STAT5B: variants seen among roughly 807,000 people sequenced by gnomAD.
STAT5B encodes transcription factor STAT5B.
A neutral mutation model predicts 107.8 loss-of-function variants in STAT5B; 21 were observed. The ratio of observed to expected loss-of-function variants is 0.19; its 90% CI spans 0.14 to 0.28. The LOEUF is 0.28. STAT5B is among the 10% of genes least tolerant of loss of function. The probability of loss-of-function intolerance (pLI) is 1.00; values close to 1 mark genes in which losing one functional copy is unlikely to be tolerated. For missense variants in STAT5B, 565 were observed against 1,008.2 expected (o/e 0.56, Z 5.95); for synonymous variants, 325 against 401.7 (o/e 0.81, Z 2.28).
At chr17:42,227,253 C>T (rs2080281331) in intron 3 of STAT5B, among the ~76,000 whole-genome samples, 1 of 150,892 alleles carries the variant, frequency 6.6e-6, no homozygotes, top group Admixed American at 6.6e-5. Context: ...ACGTGTGTGT[C>T]GAGAGACAGC....
At chr17:42,279,778 G>A (rs2080788268), upstream of STAT5B, among the ~76,000 whole-genome samples, 1 of 150,842 alleles carries the variant, frequency 6.6e-6, no homozygotes, top group South Asian at 2.1e-4. Context: ...TCCAGCCTGG[G>A]CAGCAAGAGC....
chr17:42,203,632 T>C (rs2080063330), intron 16 of STAT5B, among the ~76,000 whole-genome samples: 3 of 151,876 alleles, frequency 2.0e-5, no homozygotes, highest in Non-Finnish European at 4.4e-5. Context: ...GGAGGTTTTC[T>C]TTTTTTTCTT....
upstream of STAT5B, among the ~76,000 whole-genome samples, chr17:42,279,558 C>T (rs1028726307): frequency 1.2e-4 from 18 of 152,058 alleles, 1 homozygote; most frequent in Admixed American, 1.1e-3. Context: ...GAGGCCGAGG[C>T]GGGTGGATCA....
chr17:42,259,604 C>G (rs1415897459), intron 1 of STAT5B, among the ~76,000 whole-genome samples: 1 of 151,960 alleles, frequency 6.6e-6, no homozygotes, highest in Non-Finnish European at 1.5e-5. Context: ...CTGGCCAACA[C>G]AGCGAAACCC....
In STAT5B at chr17:42,241,537, G is replaced by A. The variant is rs536234884; in HGVS notation, c.-10-9400C>T. Reference sequence around the variant, plus strand: ...GGCTCACTGCAACCTCTGCCTCCCGGGTTCAAGAGATTCTCCTGCCTTAGC... The same window carrying A: ...GGCTCACTGCAACCTCTGCCTCCCGAGTTCAAGAGATTCTCCTGCCTTAGC... On this transcript the variant is annotated intron_variant, in intron 1 of 18. Coordinates refer to ENST00000293328, the MANE Select transcript of STAT5B (RefSeq NM_012448.4). 1.2e-4 allele frequency among the ~76,000 whole-genome samples: 18 copies of A among 151,608 alleles called. No individual in the cohort carries two copies. In the South Asian group the frequency reaches 3.1e-3, roughly 26 times the overall value.
the STAT5B span, among the ~76,000 whole-genome samples, chr17:42,283,508 C>T: frequency 1.4e-3 from 220 of 152,358 alleles, 1 homozygote; most frequent in African/African-American, 5.0e-3. Flanking sequence ...AGCAGGACTC[C>T]TCTCCTACCC....
chr17:42,267,820 G>T (rs1451515204), intron 1 of STAT5B, among the ~76,000 whole-genome samples: 2 of 151,834 alleles, frequency 1.3e-5, no homozygotes, highest in African/African-American at 4.8e-5. Flanking sequence ...TTAGCCAGGC[G>T]TGGTGGCACA....
At chr17:42,209,733 G>A (rs141968794) in intron 15 of STAT5B, among the ~76,000 whole-genome samples, 69 of 152,202 alleles carry the variant, frequency 4.5e-4, no homozygotes, top group African/African-American at 1.6e-3. Context: ...CTAACATCTT[G>A]GGTAGAAATG....
upstream of STAT5B, among the ~76,000 whole-genome samples, chr17:42,277,900 C>T (rs1405187864): frequency 1.3e-5 from 2 of 151,796 alleles, no homozygotes; most frequent in African/African-American, 4.8e-5. Context: ...GGATTACAGG[C>T]GCACACCACC....
intron 2 of STAT5B, among the ~76,000 whole-genome samples, chr17:42,231,740 C>A (rs2080319208): frequency 6.6e-6 from 1 of 152,174 alleles, no homozygotes; most frequent in Non-Finnish European, 1.5e-5. Context: ...TATTCTAATG[C>A]TTTTAGACAG....
At chr17:42,211,155 T>G (rs571301740) in intron 13 of STAT5B, among the ~76,000 whole-genome samples, 1 of 151,332 alleles carries the variant, frequency 6.6e-6, no homozygotes, top group African/African-American at 2.4e-5. Flanking sequence ...GAGCCCAGAA[T>G]GTACCACTGC....
intron 16 of STAT5B, among the ~76,000 whole-genome samples, chr17:42,203,411 A>AT (rs1178088192): frequency 2.6e-4 from 39 of 151,734 alleles, no homozygotes; most frequent in African/African-American, 9.0e-4. Context: ...TTGCATACTA[A>AT]TTAAAAAAAA....
At position 42,220,562 on chromosome 17, in the gene STAT5B, C is replaced by T. The variant is rs557641420; in HGVS notation, c.551-720G>A. 2.6e-5 allele frequency among the ~76,000 whole-genome samples: 4 copies of T among 152,180 alleles called. No individual in the cohort carries two copies. In the South Asian group the frequency reaches 8.3e-4, roughly 32 times the overall value. On this transcript the variant is annotated intron_variant, in intron 5 of 18. Transcript: ENST00000293328. ...GATTCTTGAGAGGCTGGAAGGGGCC[C>T]AGCATGTTTGTCCAGGTGAGCTCAC...
At chr17:42,238,503 G>A (rs936019533) in intron 1 of STAT5B, among the ~76,000 whole-genome samples, 1 of 147,564 alleles carries the variant, frequency 6.8e-6, no homozygotes, top group African/African-American at 2.5e-5. Context: ...CACCCAGGCT[G>A]GAGTGCAGTG....
chr17:42,256,893 A>G (rs1244553048), intron 1 of STAT5B, among the ~76,000 whole-genome samples: 1 of 149,328 alleles, frequency 6.7e-6, no homozygotes, highest in Non-Finnish European at 1.5e-5. Flanking sequence ...AAAAAAGACT[A>G]CATACTTGTT....
chr17:42,281,050 C>T (rs1173341722), upstream of STAT5B, among the ~76,000 whole-genome samples: 3 of 151,748 alleles, frequency 2.0e-5, no homozygotes, highest in Non-Finnish European at 2.9e-5. Flanking sequence ...AGGAGAATGG[C>T]GTGAACCCGG....
At chr17:42,248,139 T>G (rs2080467556) in intron 1 of STAT5B, among the ~76,000 whole-genome samples, 1 of 151,756 alleles carries the variant, frequency 6.6e-6, no homozygotes, top group Admixed American at 6.6e-5. Flanking sequence ...TAGCCCAGTG[T>G]GGTGGCGCAT....
rs1037669229 is a variant in STAT5B, at chr17:42,219,956, T to C, written c.551-114A>G. 13 of 1,527,458 alleles carry C rather than the reference T, an allele frequency of 8.5e-6. No individual in the cohort carries two copies. The Admixed American group carries it at 1.4e-4, about 16-fold the overall frequency. 94.6% of individuals were successfully genotyped at this position (1,527,458 alleles called of 1,614,324 possible). A position where few individuals can be genotyped will look rare whatever the true frequency, so the allele number is the denominator to read the frequency against. On this transcript the variant is annotated intron_variant, in intron 5 of 18. Transcript: ENST00000293328. Reference sequence around the variant, plus strand: ...ACCCTCCTGGGCTCAGATACTGCATTAAGGGCAAGTCGGGGTTCCTGACAG... The same window carrying C: ...ACCCTCCTGGGCTCAGATACTGCATCAAGGGCAAGTCGGGGTTCCTGACAG...
At position 42,212,060 on chromosome 17, in the gene STAT5B, T is replaced by C. The variant is rs375789837; in HGVS notation, c.1604A>G (p.Gln535Arg). The C allele has an allele frequency of 1.9e-6, 3 of 1,614,016 alleles. No individual in the cohort carries two copies. Among genetic ancestry groups the C allele is most frequent in the Non-Finnish European group, 2.5e-6 (3 of 1,179,994 alleles). The change falls in exon 13 of 19, where the codon CAG (glutamine) becomes CGG (arginine). Residue 535 changes from glutamine (Q) to arginine (R), a missense_variant. Physicochemically the swap from Gln to Arg is conservative, Grantham distance 43 (BLOSUM62 1). Coordinates refer to ENST00000293328, the MANE Select transcript of STAT5B (RefSeq NM_012448.4). ...LTKENLVFLA[Q>R]KLFNNSSSHL... ...GCTGCTGCTGTTGTTGAACAGTTTC[T>C]GCGCCAGGAACACGAGGTTCTCCTT...
Sources: gnomAD v4.1 joint callset for allele counts (sites outside exome capture counted in the v4.1 genomes callset) on GRCh38, gnomAD v4.1.1 for gene constraint, MANE v1.5 for transcripts, NCBI Gene and HGNC (gene_info 2026-07-23, HGNC 2026-07-21) for gene names.